Variants in MED16 observed in about 807,000 individuals in gnomAD.
MED16 encodes the protein mediator of RNA polymerase II transcription subunit 16.
In MED16, 81 loss-of-function variants were observed where a neutral mutation model predicts 84.4. That is an observed-to-expected ratio of 0.96 (90% confidence interval 0.80 to 1.15). MED16 has a LOEUF of 1.15. Among genes scored for constraint, MED16 ranks in the 50% most tolerant of loss-of-function variants. The pLI, the probability that MED16 is intolerant of heterozygous loss-of-function variation, is 0.00. For missense variants in MED16, 1,585 were observed against 1,245.9 expected, an observed-to-expected ratio of 1.27 and a Z score of -4.10; for synonymous variants, 897 against 552.2, an observed-to-expected ratio of 1.62 and a Z score of -8.76.
intron 4 of MED16, among the ~76,000 whole-genome samples, chr19:887,384 T>C (rs992934650): frequency 6.6e-6 from 1 of 152,010 alleles, no homozygotes. Flanking sequence ...AAACAAAAAT[T>C]TGGCCGGACG....
chr19:883,484 CG>C (rs1365043953), intron 6 of MED16, among the ~76,000 whole-genome samples: 2 of 126,062 alleles, frequency 1.6e-5, no homozygotes, highest in Non-Finnish European at 3.3e-5. Flanking sequence ...ATGGTGGGCA[CG>C]TGGGGCGGTA....
Position 868,112 on chromosome 19 carries a change from C to A in MED16, c.2623G>T (p.Asp875Tyr), listed in dbSNP as rs1440348346. ...TGGACCCCCGGCCGTCACGGACGGT[C>A]CTCTGGATGCAGATGGTCCAGGGAT... The part of the protein sequence containing the change: ...PRSLDHLHPE[D>Y]RP The change falls in exon 16 of 16, where the codon GAC becomes TAC. Residue 875 changes from aspartate (D) to tyrosine (Y), a missense_variant. Physicochemically the swap from Asp to Tyr is radical, Grantham distance 160. Transcript: ENST00000325464. 2 of 1,609,304 alleles carry A rather than the reference C, an allele frequency of 1.2e-6. No homozygotes were observed. The highest frequency in any genetic ancestry group is 1.1e-5 in the South Asian group (1 of 90,748).
intron 13 of MED16, among the ~76,000 whole-genome samples, chr19:870,056 G>A (rs1253476683): frequency 1.3e-5 from 2 of 152,156 alleles, no homozygotes; most frequent in Non-Finnish European, 2.9e-5. Flanking sequence ...CCAGAGAAAG[G>A]CCAGCCCCGG....
intron 10 of MED16, among the ~76,000 whole-genome samples, chr19:873,909 G>C (rs770718364): frequency 6.6e-6 from 1 of 152,166 alleles, no homozygotes; most frequent in East Asian, 1.9e-4. Flanking sequence ...GCTCCGAGGT[G>C]AACTCTGTGA....
chr19:872,878 G>A (rs2036116712), intron 11 of MED16: 5 of 839,570 alleles, frequency 6.0e-6, no homozygotes, highest in African/African-American at 5.7e-5. Context: ...TTTGAGAATG[G>A]GCAGGAAGGG....
intron 11 of MED16, 60 bp downstream of exon 11, chr19:873,389 G>C (rs1309835374): frequency 6.4e-7 from 1 of 1,552,500 alleles, no homozygotes; most frequent in Non-Finnish European, 8.7e-7. Flanking sequence ...AGGGAAGCGG[G>C]GTCCTGATGA....
chr19:872,717 G>C (rs1008831086), intron 11 of MED16, among the ~76,000 whole-genome samples: 1 of 151,842 alleles, frequency 6.6e-6, no homozygotes, highest in Non-Finnish European at 1.5e-5. Context: ...TGAAGGTGGA[G>C]GTGTGGATGG....
intron 8 of MED16, among the ~76,000 whole-genome samples, chr19:878,430 C>A (rs1332401783): frequency 2.7e-5 from 2 of 75,140 alleles, no homozygotes; most frequent in Admixed American, 1.4e-4. Context: ...TCCACCAGCC[C>A]CAGCCCCGGC....
chr19:881,421 GCTC>G lies in MED16; in HGVS notation c.1141+135_1141+137del. 3 of 972,880 alleles carry G rather than the reference GCTC, an allele frequency of 3.1e-6. No homozygotes were observed. The East Asian group carries it at 8.0e-5, about 26-fold the overall frequency. The allele number at this position is 972,880 out of a possible 1,614,324, so 60.3% of individuals were successfully genotyped here. On this transcript the variant is annotated intron_variant, in intron 7 of 15. Transcript: ENST00000325464. ...AACCCATCAGAACCCAGAAGGCTGA[GCTC>G]CTACAGCCCCATGGCCTGTGCTCAG...
At chr19:890,754 T>C (rs2145259183) in intron 2 of MED16, among the ~76,000 whole-genome samples, 1 of 152,314 alleles carries the variant, frequency 6.6e-6, no homozygotes. Context: ...GGCGATCTCA[T>C]GTCTCCTGGC....
intron 11 of MED16, 66 bp from the exon 12 acceptor site, chr19:872,184 T>C: frequency 7.0e-7 from 1 of 1,436,450 alleles, no homozygotes; most frequent in Non-Finnish European, 9.5e-7. Flanking sequence ...ATGAAGTGTC[T>C]TGGGGTCGGT....
chr19:890,221 G>A lies in MED16; in HGVS notation c.193C>T (p.Leu65=). 2.6e-6 allele frequency: 4 copies of A among 1,553,528 alleles called. No homozygotes were observed. Among genetic ancestry groups the A allele is most frequent in the Non-Finnish European group, 3.5e-6 (4 of 1,148,488 alleles). Residue 65 remains leucine (L), a synonymous_variant, in exon 3 of 16, where the codon CTG becomes TTG. Coordinates refer to ENST00000325464, the MANE Select transcript of MED16 (RefSeq NM_005481.3). ...AGGTCCCAGGGGTGCTCCGTGTCCA[G>A]GATGTGGATCATGCGGGTCAGGTCT... ...DQDLTRMIHI[L]DTEHPWDLHS...
chr19:880,208 G>A, intron 7 of MED16, 60 bp from the exon 8 acceptor site: 1 of 1,479,096 alleles, frequency 6.8e-7, no homozygotes, highest in Non-Finnish European at 9.0e-7. Flanking sequence ...CGCCGGGGGA[G>A]GGGCCTCCTG....
Position 875,409 on chromosome 19 carries a change from G to C in MED16, c.1606C>G (p.Leu536Val), listed in dbSNP as rs375318842. ...ILAMKASLCK[L>V]SPCTVTRVCD... ...ACGCGGGTCACCGTGCAGGGCGACA[G>C]CTTGCAGAGCGAGGCCTTCATGGCC... Residue 536 changes from leucine (L) to valine (V), a missense_variant, in exon 10 of 16, where the codon CTG becomes GTG. Leu to Val is a conservative substitution (Grantham distance 32). Coordinates refer to ENST00000325464, the MANE Select transcript of MED16 (RefSeq NM_005481.3). The C allele has an allele frequency of 2.5e-6, 4 of 1,607,032 alleles. No individual in the cohort carries two copies. The Admixed American group carries it at 6.7e-5, about 27-fold the overall frequency.
At chr19:869,052 AC>A in intron 13 of MED16, 106 bp from the exon 14 acceptor site, 1 of 976,264 alleles carries the variant, frequency 1.0e-6, no homozygotes, top group Non-Finnish European at 1.5e-6. Context: ...CCGGCCTCAC[AC>A]CATCTGCCAG....
chr19:876,845 C>A, intron 9 of MED16, 129 bp downstream of exon 9: 2 of 869,512 alleles, frequency 2.3e-6, no homozygotes, highest in South Asian at 1.9e-5. Context: ...GCCACAGGGA[C>A]AGCCCCACCT....
intron 13 of MED16, among the ~76,000 whole-genome samples, chr19:869,746 C>T (rs574541267): frequency 1.1e-4 from 16 of 152,300 alleles, no homozygotes; most frequent in African/African-American, 3.1e-4. Context: ...CATTTTCTTC[C>T]TTTTGCTCAT....
chr19:868,638 G>A (rs2035973414), intron 14 of MED16, 139 bp from the exon 15 acceptor site: 12 of 1,247,332 alleles, frequency 9.6e-6, no homozygotes, highest in East Asian at 2.5e-5. Flanking sequence ...CTGCCACAGG[G>A]CCTCTGCCCA....
In MED16 at chr19:885,911, C is replaced by G. The variant is rs1330420984; in HGVS notation, c.738G>C (p.Val246=). The G allele has an allele frequency of 6.2e-7, 1 of 1,613,590 alleles. No individual in the cohort carries two copies. The highest frequency in any genetic ancestry group is 8.5e-7 in the Non-Finnish European group (1 of 1,179,954). ...TACGGCACTTCTCGCTCACCACGCT[C>G]ACGCACACCTTGTAGAACTGCACGG... The part of the protein sequence containing the change: ...ASPVQFYKVC[V]SVVSEKCRID... The change falls in exon 5 of 16, where the codon GTG becomes GTC. Residue 246 remains valine, a synonymous_variant. Transcript: ENST00000325464.
Sources: gnomAD v4.1 joint callset for allele counts (sites outside exome capture counted in the v4.1 genomes callset) on GRCh38, gnomAD v4.1.1 for gene constraint, MANE v1.5 for transcripts, NCBI Gene and HGNC (gene_info 2026-07-23, HGNC 2026-07-21) for gene names.